The following UNC13C variants were observed in gnomAD, a reference collection of about 807,000 sequenced individuals.
UNC13C encodes unc-13 homolog C.
UNC13C carries 174 observed loss-of-function variants against 245.4 expected under a neutral mutation model. That is an observed-to-expected ratio of 0.71 (90% CI 0.63 to 0.80). The LOEUF is 0.80. Ranked by LOEUF, UNC13C falls within the 30% of genes least tolerant of loss-of-function variation. The pLI, the probability that UNC13C is intolerant of heterozygous loss-of-function variation, is 0.00. For synonymous variants in UNC13C, 992 were observed against 895.1 expected, an observed-to-expected ratio of 1.11 and a Z score of -1.93; for missense variants, 2,829 against 2,602.9, an observed-to-expected ratio of 1.09 and a Z score of -1.89.
chr15:53,920,296 A>C, the UNC13C span, among the ~76,000 whole-genome samples: 2 of 152,160 alleles, frequency 1.3e-5, no homozygotes, highest in Admixed American at 6.5e-5. Context: ...GAATTAGGCC[A>C]GGCAGGGTGG....
At chr15:54,228,779 G>A (rs1436528889) in intron 4 of UNC13C, among the ~76,000 whole-genome samples, 2 of 152,090 alleles carry the variant, frequency 1.3e-5, no homozygotes, top group East Asian at 1.9e-4. Context: ...TCAAGAAAAG[G>A]GAAAGTGTCT....
At chr15:54,182,557 GT>G (rs982796555) in intron 4 of UNC13C, among the ~76,000 whole-genome samples, 1 of 151,938 alleles carries the variant, frequency 6.6e-6, no homozygotes, top group Non-Finnish European at 1.5e-5. Context: ...GTCCTCCTCA[GT>G]TTTTTGGAAT....
Position 54,450,542 on chromosome 15 carries a change from G to A in UNC13C, c.4933+35475G>A, listed in dbSNP as rs150967323. On this transcript the variant is annotated intron_variant, in intron 19 of 32. Transcript: ENST00000260323. ...AGACTGCTGTGCTAGCAATGAGCGA[G>A]GCTCCATGGGCTTGGGACCCTCTGA... is the stretch of plus-strand genomic sequence containing the variant. 3.1e-3 allele frequency among the ~76,000 whole-genome samples: 478 copies of A among 152,340 alleles called. 2 individuals carry two copies. The highest frequency in any genetic ancestry group is 0.011 in the African/African-American group (465 of 41,576).
chr15:54,546,711 T>A lies in UNC13C; in HGVS notation c.5697-11T>A, dbSNP rs73403813. On this transcript the variant is annotated splice_polypyrimidine_tract_variant and intron_variant, in intron 26 of 32. Transcript: ENST00000260323. ...TTTAAAAGTGAATATATATATATAT[T>A]TTTTTTTCAGATTAAGTCTCTCAGC... The A allele has an allele frequency of 0.096, 137,532 of 1,430,546 alleles. 12,117 individuals carry two copies. The highest frequency in any genetic ancestry group is 0.49 in the African/African-American group (32,108 of 64,962). 88.6% of individuals were successfully genotyped at this position (1,430,546 alleles called of 1,614,324 possible).
At chr15:53,998,285 A>G (rs887493935) in intron 1 of UNC13C, among the ~76,000 whole-genome samples, 3 of 152,152 alleles carry the variant, frequency 2.0e-5, no homozygotes, top group Non-Finnish European at 4.4e-5. Flanking sequence ...TCAACTTATG[A>G]TCATATATTA....
intron 19 of UNC13C, among the ~76,000 whole-genome samples, chr15:54,468,106 C>A (rs923562220): frequency 6.6e-6 from 1 of 151,602 alleles, no homozygotes; most frequent in African/African-American, 2.4e-5. Flanking sequence ...CACTTTTATC[C>A]ACATTTTCAC....
chr15:54,379,820 T>C (rs1463785154), intron 17 of UNC13C, among the ~76,000 whole-genome samples: 2 of 152,196 alleles, frequency 1.3e-5, no homozygotes, highest in African/African-American at 4.8e-5. Context: ...CACACTTTGC[T>C]CAGGTATTTT....
chr15:54,164,713 T>C (rs1043658644), intron 4 of UNC13C, among the ~76,000 whole-genome samples: 1 of 152,168 alleles, frequency 6.6e-6, no homozygotes, highest in African/African-American at 2.4e-5. Context: ...ATGTTCTGGA[T>C]TGATGTAAAC....
At chr15:54,447,964 G>C (rs1890925300) in intron 19 of UNC13C, among the ~76,000 whole-genome samples, 1 of 152,120 alleles carries the variant, frequency 6.6e-6, no homozygotes, top group African/African-American at 2.4e-5. Context: ...AGAGATTCTG[G>C]TATGTTGTGT....
chr15:53,870,706 T>C, the UNC13C span, among the ~76,000 whole-genome samples: 1 of 152,226 alleles, frequency 6.6e-6, no homozygotes, highest in African/African-American at 2.4e-5. Context: ...TTAGCCCATC[T>C]TCACAAGCCC....
At chr15:54,395,605 G>A (rs574174513) in intron 18 of UNC13C, among the ~76,000 whole-genome samples, 167 of 151,964 alleles carry the variant, frequency 1.1e-3, no homozygotes, top group African/African-American at 3.9e-3. Context: ...TAGAGGCAAA[G>A]GCAAGTGAAT....
the UNC13C span, among the ~76,000 whole-genome samples, chr15:53,938,384 A>G: frequency 1.1e-4 from 17 of 152,230 alleles, no homozygotes; most frequent in African/African-American, 3.9e-4. Context: ...GCAAGTTCTT[A>G]GAGACCTGCA....
intron 30 of UNC13C, among the ~76,000 whole-genome samples, chr15:54,587,830 C>G (rs1003486857): frequency 2.0e-5 from 3 of 152,198 alleles, no homozygotes; most frequent in Non-Finnish European, 2.9e-5. Flanking sequence ...TAGACCTCTT[C>G]ATGTAAGATA....
the UNC13C span, among the ~76,000 whole-genome samples, chr15:53,863,557 GA>G: frequency 6.6e-6 from 1 of 152,144 alleles, no homozygotes; most frequent in Non-Finnish European, 1.5e-5. Context: ...ATATTATAAT[GA>G]AAAAGTGGAA....
intron 26 of UNC13C, among the ~76,000 whole-genome samples, chr15:54,542,761 CTTT>C (rs1172671161): frequency 1.3e-5 from 2 of 152,286 alleles, no homozygotes; most frequent in South Asian, 2.1e-4. Flanking sequence ...TAATCCCCTT[CTTT>C]GTCTTTTTCG....
chr15:54,250,524 C>T, intron 8 of UNC13C, 80 bp downstream of exon 8: 10 of 1,340,188 alleles, frequency 7.5e-6, no homozygotes, highest in East Asian at 4.9e-5. Context: ...CACTTCAACT[C>T]TTGCTGGTTG....
chr15:54,555,668 G>A (rs530190919), intron 29 of UNC13C, among the ~76,000 whole-genome samples, 156 bp downstream of exon 29: 1 of 152,066 alleles, frequency 6.6e-6, no homozygotes, highest in South Asian at 2.1e-4. Context: ...TAGTAATTGT[G>A]GTTTTTGCCA....
chr15:54,265,562 A>C, intron 10 of UNC13C, 66 bp downstream of exon 10: 1 of 1,190,448 alleles, frequency 8.4e-7, no homozygotes, highest in Non-Finnish European at 1.1e-6. Context: ...AGACAGGCAT[A>C]CAAAGGATGC....
chr15:54,132,361 T>C (rs1251163378), intron 2 of UNC13C, among the ~76,000 whole-genome samples: 1 of 152,200 alleles, frequency 6.6e-6, no homozygotes, highest in Non-Finnish European at 1.5e-5. Context: ...TGAGCCACCG[T>C]GCCTGACCAA....
Sources: allele counts gnomAD v4.1 joint callset (sites outside exome capture counted in the v4.1 genomes callset), GRCh38; gene constraint gnomAD v4.1.1; transcripts MANE v1.5; gene names NCBI Gene and HGNC (gene_info 2026-07-23, HGNC 2026-07-21).